PPFIA2: variants seen among roughly 807,000 people sequenced by gnomAD.
PPFIA2 encodes PPFI scaffold protein A2.
Under a neutral mutation model 175.5 loss-of-function variants are expected in PPFIA2, and 46 were observed. The ratio of observed to expected loss-of-function variants is 0.26; its 90% CI spans 0.21 to 0.34. PPFIA2 has a LOEUF of 0.34. Among genes scored for constraint, PPFIA2 ranks in the 10% least tolerant of loss-of-function variants. The probability of loss-of-function intolerance (pLI) is 1.00; values close to 1 mark genes in which losing one functional copy is unlikely to be tolerated. For synonymous variants in PPFIA2, 568 were observed against 511.4 expected (o/e 1.11, Z -1.49); for missense variants, 1,179 against 1,506.1 (o/e 0.78, Z 3.60).
At chr12:81,517,370 G>A (rs2062591446) in intron 4 of PPFIA2, among the ~76,000 whole-genome samples, 1 of 152,152 alleles carries the variant, frequency 6.6e-6, no homozygotes, top group Admixed American at 6.5e-5. Context: ...CTGCAACGAT[G>A]AGGAAGGATA....
intron 4 of PPFIA2, among the ~76,000 whole-genome samples, chr12:81,459,381 T>C (rs1309513320): frequency 6.6e-6 from 1 of 152,140 alleles, no homozygotes; most frequent in Non-Finnish European, 1.5e-5. Context: ...ATTATTAACA[T>C]GTAGGCATTC....
chr12:81,448,313 C>T (rs1465945804), intron 5 of PPFIA2, among the ~76,000 whole-genome samples: 2 of 152,132 alleles, frequency 1.3e-5, no homozygotes, highest in Admixed American at 6.5e-5. Flanking sequence ...CTCTTTCATG[C>T]TCCCTCAGTT....
At chr12:81,387,252 T>A (rs757109165) in intron 8 of PPFIA2, among the ~76,000 whole-genome samples, 12 of 152,310 alleles carry the variant, frequency 7.9e-5, no homozygotes, top group Admixed American at 2.6e-4. Context: ...ATTAGCTTTT[T>A]TACTTTTATT....
intron 4 of PPFIA2, among the ~76,000 whole-genome samples, chr12:81,652,976 G>A (rs909829764): frequency 5.9e-5 from 9 of 151,832 alleles, no homozygotes; most frequent in South Asian, 4.2e-4. Context: ...CTCAATATAC[G>A]AATCCAACCC....
intron 21 of PPFIA2, among the ~76,000 whole-genome samples, chr12:81,328,767 C>A (rs1429768751): frequency 6.6e-6 from 1 of 151,050 alleles, no homozygotes; most frequent in Non-Finnish European, 1.5e-5. Context: ...AAACATCCTT[C>A]ATTAAATAGA....
intron 7 of PPFIA2, among the ~76,000 whole-genome samples, chr12:81,416,890 C>G (rs2045374549): frequency 1.3e-5 from 2 of 151,582 alleles, no homozygotes; most frequent in Admixed American, 1.3e-4. Context: ...TGTGTGTGTA[C>G]GTGATCATTT....
chr12:81,547,030 G>A (rs1594786726), intron 4 of PPFIA2, among the ~76,000 whole-genome samples: 1 of 152,088 alleles, frequency 6.6e-6, no homozygotes, highest in Non-Finnish European at 1.5e-5. Context: ...CTAGGGGTGG[G>A]CGTACTGGAA....
chr12:81,286,375 CT>C (rs2043410900), intron 24 of PPFIA2, among the ~76,000 whole-genome samples: 1 of 151,978 alleles, frequency 6.6e-6, no homozygotes, highest in Non-Finnish European at 1.5e-5. Flanking sequence ...TTCGTATTCA[CT>C]AAGTGCCCTA....
chr12:81,291,347 T>C (rs779859213), intron 24 of PPFIA2, among the ~76,000 whole-genome samples: 27 of 151,924 alleles, frequency 1.8e-4, no homozygotes, highest in Non-Finnish European at 3.2e-4. Flanking sequence ...GATTTCTCCT[T>C]TCTTGAAGCT....
At chr12:81,293,609 A>G (rs182682309) in intron 24 of PPFIA2, among the ~76,000 whole-genome samples, 8 of 152,162 alleles carry the variant, frequency 5.3e-5, no homozygotes, top group Non-Finnish European at 1.0e-4. Flanking sequence ...CCTCAGTCAG[A>G]ATGGCTATTA....
intron 4 of PPFIA2, among the ~76,000 whole-genome samples, chr12:81,555,283 T>C (rs979858669): frequency 5.3e-5 from 8 of 151,996 alleles, no homozygotes; most frequent in African/African-American, 1.7e-4. Context: ...TATAAAGTAA[T>C]ATTGATTTAG....
At chr12:81,370,779 T>C (rs546489770) in intron 11 of PPFIA2, among the ~76,000 whole-genome samples, 2 of 152,058 alleles carry the variant, frequency 1.3e-5, no homozygotes, top group African/African-American at 4.8e-5. Context: ...AAGGATTACA[T>C]ATGAAGTTAT....
At chr12:81,615,957 G>A (rs1469574590) in intron 4 of PPFIA2, among the ~76,000 whole-genome samples, 1 of 152,130 alleles carries the variant, frequency 6.6e-6, no homozygotes. Flanking sequence ...GAATCTACAA[G>A]AGAAGAGACT....
chr12:81,743,448 T>C (rs1164588937), intron 3 of PPFIA2, among the ~76,000 whole-genome samples: 2 of 88,596 alleles, frequency 2.3e-5, no homozygotes, highest in East Asian at 5.3e-4. Flanking sequence ...AAAAAAAACT[T>C]TTGCTGTAAA....
intron 7 of PPFIA2, among the ~76,000 whole-genome samples, chr12:81,432,732 C>T (rs576136339): frequency 3.4e-4 from 51 of 152,170 alleles, no homozygotes; most frequent in Admixed American, 1.6e-3. Context: ...GCTGGGATTA[C>T]AGGCGTGAGC....
intron 9 of PPFIA2, among the ~76,000 whole-genome samples, chr12:81,376,891 G>C (rs1406994690): frequency 6.6e-6 from 1 of 151,710 alleles, no homozygotes; most frequent in African/African-American, 2.4e-5. Flanking sequence ...TCTCCTACAG[G>C]GTCCAGAGCC....
At chr12:81,579,418 T>C (rs1164080403) in intron 4 of PPFIA2, among the ~76,000 whole-genome samples, 1 of 151,816 alleles carries the variant, frequency 6.6e-6, no homozygotes, top group Non-Finnish European at 1.5e-5. Context: ...CAGTGACAGA[T>C]AAATCATTAT....
At chr12:81,511,657 G>T (rs933191367) in intron 4 of PPFIA2, among the ~76,000 whole-genome samples, 1 of 151,902 alleles carries the variant, frequency 6.6e-6, no homozygotes, top group Non-Finnish European at 1.5e-5. Flanking sequence ...CATACCTTTG[G>T]CATCTACATC....
chr12:81,689,446 A>G (rs889563470), intron 3 of PPFIA2, among the ~76,000 whole-genome samples: 17 of 152,038 alleles, frequency 1.1e-4, no homozygotes, highest in Admixed American at 2.6e-4. Context: ...AATGTTTATA[A>G]TACCAAATAA....
Sources: allele counts gnomAD v4.1 joint callset (sites outside exome capture counted in the v4.1 genomes callset), GRCh38; gene constraint gnomAD v4.1.1; transcripts MANE v1.5; gene names NCBI Gene and HGNC (gene_info 2026-07-23, HGNC 2026-07-21).